Variants in RBFOX1 observed in about 807,000 individuals in gnomAD.
RBFOX1 encodes RNA binding fox-1 homolog 1, also known as RNA binding protein fox-1 homolog 1.
RBFOX1 carries 8 observed loss-of-function variants against 57.7 expected under a neutral mutation model. The observed-to-expected ratio is 0.14, with a 90% CI of 0.08 to 0.25. RBFOX1 has a LOEUF of 0.25. RBFOX1 is among the 10% of genes least tolerant of loss of function. The pLI is 1.00. For missense variants in RBFOX1, 611 were observed against 548.5 expected, an observed-to-expected ratio of 1.11 and a Z score of -1.14; for synonymous variants, 326 against 222.4, an observed-to-expected ratio of 1.47 and a Z score of -4.15.
At chr16:7,061,541 G>C (rs1239672521) in intron 4 of RBFOX1, among the ~76,000 whole-genome samples, 2 of 152,004 alleles carry the variant, frequency 1.3e-5, no homozygotes, top group Non-Finnish European at 2.9e-5. Context: ...AGTCTCCCCA[G>C]GCATTTGAAC....
chr16:5,656,881 A>G (rs1460958746), intron 3 of RBFOX1, among the ~76,000 whole-genome samples: 2 of 152,190 alleles, frequency 1.3e-5, no homozygotes, highest in African/African-American at 4.8e-5. Context: ...GAGTTGAACA[A>G]TGAGAAAATA....
chr16:6,991,136 C>CAAAAA (rs35889519), intron 3 of RBFOX1, among the ~76,000 whole-genome samples: 14 of 53,068 alleles, frequency 2.6e-4, no homozygotes, highest in African/African-American at 5.5e-4. Flanking sequence ...ATTGTCTCTC[C>CAAAAA]AAAAAAAAAA....
At chr16:5,764,691 T>C (rs889161082) in intron 3 of RBFOX1, among the ~76,000 whole-genome samples, 8 of 152,146 alleles carry the variant, frequency 5.3e-5, no homozygotes, top group Non-Finnish European at 1.5e-5. Context: ...CCCTCACACC[T>C]GTACACTTGG....
At chr16:7,373,054 C>T (rs1188290419) in intron 4 of RBFOX1, among the ~76,000 whole-genome samples, 2 of 151,964 alleles carry the variant, frequency 1.3e-5, no homozygotes, top group Non-Finnish European at 2.9e-5. Flanking sequence ...GCCTCAGCCT[C>T]CCGAGTAGCT....
At chr16:5,956,603 A>G (rs1000192441) in intron 4 of RBFOX1, among the ~76,000 whole-genome samples, 2 of 148,934 alleles carry the variant, frequency 1.3e-5, no homozygotes, top group Admixed American at 1.3e-4. Context: ...ATAGCAAACT[A>G]GTGAGGAACA....
chr16:6,552,700 A>G (rs141661097), intron 2 of RBFOX1, among the ~76,000 whole-genome samples: 7 of 152,298 alleles, frequency 4.6e-5, no homozygotes, highest in Non-Finnish European at 1.0e-4. Flanking sequence ...GAAATGGGTA[A>G]TTATGTGATA....
At chr16:5,757,067 T>C (rs544208180) in intron 3 of RBFOX1, among the ~76,000 whole-genome samples, 1 of 152,350 alleles carries the variant, frequency 6.6e-6, no homozygotes, top group South Asian at 2.1e-4. Context: ...CTGTATTGCA[T>C]TCTTCAGATT....
chr16:7,519,744 A>G (rs1438014675), intron 5 of RBFOX1: 1 of 980,682 alleles, frequency 1.0e-6, no homozygotes, highest in Non-Finnish European at 1.2e-6. Context: ...TCCTGTCCCA[A>G]GACCTCAGGA....
intron 14 of RBFOX1, among the ~76,000 whole-genome samples, chr16:7,705,882 G>A (rs976596251): frequency 1.3e-5 from 2 of 152,178 alleles, no homozygotes; most frequent in Non-Finnish European, 2.9e-5. Flanking sequence ...CTGATGGATG[G>A]GAAGTGGGCA....
intron 1 of RBFOX1, among the ~76,000 whole-genome samples, chr16:6,296,197 C>T (rs565955726): frequency 1.3e-5 from 2 of 152,282 alleles, no homozygotes; most frequent in South Asian, 4.1e-4. Context: ...CTCACACGCT[C>T]ATCCATTCCC....
chr16:6,754,711 T>TTA (rs1055412463), intron 3 of RBFOX1, among the ~76,000 whole-genome samples: 1 of 152,100 alleles, frequency 6.6e-6, no homozygotes, highest in African/African-American at 2.4e-5. Flanking sequence ...TTGTTTTTTT[T>TTA]TTATTATTAT....
At chr16:6,658,302 G>C (rs532045369) in intron 3 of RBFOX1, among the ~76,000 whole-genome samples, 2 of 150,472 alleles carry the variant, frequency 1.3e-5, no homozygotes, top group Admixed American at 6.6e-5. Context: ...TGGTGTGATC[G>C]TGATCTCAGC....
chr16:5,968,404 G>C (rs994148162), intron 4 of RBFOX1, among the ~76,000 whole-genome samples: 1 of 152,230 alleles, frequency 6.6e-6, no homozygotes, highest in African/African-American at 2.4e-5. Flanking sequence ...GACGATCAAT[G>C]AGGATTCTCT....
chr16:6,147,467 A>C (rs900716219), intron 1 of RBFOX1, among the ~76,000 whole-genome samples: 3 of 152,018 alleles, frequency 2.0e-5, no homozygotes, highest in Non-Finnish European at 4.4e-5. Flanking sequence ...ATTCTAATTC[A>C]CTCATGGGTC....
At chr16:6,689,128 T>A (rs1428195170) in intron 3 of RBFOX1, among the ~76,000 whole-genome samples, 1 of 152,212 alleles carries the variant, frequency 6.6e-6, no homozygotes, top group African/African-American at 2.4e-5. Context: ...AGCAGAATGA[T>A]TTATAATCCT....
chr16:6,940,879 G>GTGTGTT (rs1555653225), intron 3 of RBFOX1, among the ~76,000 whole-genome samples: 8,572 of 138,626 alleles, frequency 0.062, 683 homozygotes, highest in African/African-American at 0.14. Context: ...GTGTGTGTGT[G>GTGTGTT]TGTGTGTGTG....
At chr16:6,706,838 C>G (rs1356561869) in intron 3 of RBFOX1, among the ~76,000 whole-genome samples, 1 of 151,754 alleles carries the variant, frequency 6.6e-6, no homozygotes, top group Non-Finnish European at 1.5e-5. Flanking sequence ...TAATAGGTGA[C>G]CAGAAGTCAT....
At chr16:5,794,565 G>C (rs953753018) in intron 3 of RBFOX1, among the ~76,000 whole-genome samples, 2 of 152,164 alleles carry the variant, frequency 1.3e-5, no homozygotes, top group Non-Finnish European at 2.9e-5. Flanking sequence ...TCATTGGAGA[G>C]GTATAGCTGT....
chr16:5,550,301 C>T (rs1260692604), intron 2 of RBFOX1, among the ~76,000 whole-genome samples: 1 of 152,124 alleles, frequency 6.6e-6, no homozygotes. Flanking sequence ...TGTTAGTAAA[C>T]CAAGTGTCTG....
Sources: gnomAD v4.1 joint callset for allele counts (sites outside exome capture counted in the v4.1 genomes callset) on GRCh38, gnomAD v4.1.1 for gene constraint, MANE v1.5 for transcripts, NCBI Gene and HGNC (gene_info 2026-07-23, HGNC 2026-07-21) for gene names.